MEF2A: variants seen among roughly 807,000 people sequenced by gnomAD.
MEF2A encodes the protein myocyte enhancer factor 2A.
In MEF2A, 28 loss-of-function variants were observed where a neutral mutation model predicts 55.8. The ratio of observed to expected loss-of-function variants is 0.50; its 90% CI spans 0.37 to 0.69. The LOEUF (loss-of-function observed/expected upper bound fraction) is 0.69, where lower values mean the gene tolerates loss of function less well. Among genes scored for constraint, MEF2A ranks in the 30% least tolerant of loss-of-function variants. The pLI is 0.00. For missense variants in MEF2A, 528 were observed against 626.2 expected (o/e 0.84, Z 1.67); for synonymous variants, 239 against 227.1 (o/e 1.05, Z -0.47).
chr15:99,613,638 C>T (rs2039679652), intron 2 of MEF2A, among the ~76,000 whole-genome samples: 1 of 152,024 alleles, frequency 6.6e-6, no homozygotes, highest in Non-Finnish European at 1.5e-5. Flanking sequence ...ACAGTATATC[C>T]CTGGAAGGCA....
intron 4 of MEF2A, among the ~76,000 whole-genome samples, chr15:99,657,965 A>T (rs768092126): frequency 6.6e-6 from 1 of 152,156 alleles, no homozygotes; most frequent in Non-Finnish European, 1.5e-5. Context: ...AAGCAAATTT[A>T]TATCCTTTTT....
chr15:99,670,065 T>C (rs1254846789), intron 4 of MEF2A, among the ~76,000 whole-genome samples: 7 of 152,154 alleles, frequency 4.6e-5, no homozygotes, highest in African/African-American at 1.2e-4. Context: ...GTAACTCTAC[T>C]TTAAAATACG....
chr15:99,636,906 A>G (rs2043965949), intron 3 of MEF2A, among the ~76,000 whole-genome samples: 1 of 151,828 alleles, frequency 6.6e-6, no homozygotes, highest in Non-Finnish European at 1.5e-5. Flanking sequence ...TTCCAGATGG[A>G]TATTTAGTTG....
chr15:99,675,490 GTATC>G (rs1567407176), intron 7 of MEF2A, 32 bp downstream of exon 7: 2 of 1,577,512 alleles, frequency 1.3e-6, no homozygotes, highest in African/African-American at 2.7e-5. Flanking sequence ...TGTTTTGTAG[GTATC>G]TATCCTATAT....
intron 4 of MEF2A, 61 bp from the exon 5 acceptor site, chr15:99,671,262 T>C (rs2050813252): frequency 6.4e-7 from 1 of 1,558,814 alleles, no homozygotes; most frequent in Non-Finnish European, 8.7e-7. Context: ...TAATAAATTT[T>C]ACAGAAAAAC....
chr15:99,672,872 A>G (rs1005528515), intron 5 of MEF2A, among the ~76,000 whole-genome samples: 1 of 152,192 alleles, frequency 6.6e-6, no homozygotes, highest in Non-Finnish European at 1.5e-5. Context: ...TGGAACCATC[A>G]GAAAGCAAAG....
chr15:99,622,619 G>A (rs959206794), intron 2 of MEF2A, among the ~76,000 whole-genome samples: 16 of 151,420 alleles, frequency 1.1e-4, no homozygotes, highest in African/African-American at 3.9e-4. Flanking sequence ...CCCTTTTAAA[G>A]TATATAGGTT....
chr15:99,645,269 A>T (rs1266659300), intron 3 of MEF2A, among the ~76,000 whole-genome samples: 2 of 152,162 alleles, frequency 1.3e-5, no homozygotes, highest in Non-Finnish European at 2.9e-5. Flanking sequence ...ATGATAAGGG[A>T]ACACTGATCA....
chr15:99,712,732 T>C lies in MEF2A; in HGVS notation c.1479T>C (p.Pro493=). ...CAAACACTGAGGACAGAGAAAGCCC[T>C]TCTGTAAAGCGAATGAGGATGGACG... ...RPPNTEDRES[P]SVKRMRMDAW... is the part of the protein sequence containing the mutation. The change falls in exon 12 of 12, where the codon CCT becomes CCC. Residue 493 remains proline (P), a synonymous_variant. Transcript: ENST00000557942. This position sits in a 1 kb window ranked among gnomAD's most constrained non-coding sequence, Gnocchi z 4.1. The C allele has an allele frequency of 6.4e-7, 1 of 1,563,956 alleles. No individual in the cohort carries two copies. Among genetic ancestry groups the C allele is most frequent in the South Asian group, 1.2e-5 (1 of 84,556 alleles).
chr15:99,700,730 T>G (rs1469803630), intron 8 of MEF2A, among the ~76,000 whole-genome samples: 1 of 152,130 alleles, frequency 6.6e-6, no homozygotes, highest in East Asian at 1.9e-4. Context: ...GGAAACGGGA[T>G]GAGCCGGGGT....
chr15:99,589,265 G>C (rs1425791480), intron 1 of MEF2A, among the ~76,000 whole-genome samples: 2 of 152,268 alleles, frequency 1.3e-5, no homozygotes, highest in East Asian at 1.9e-4. Flanking sequence ...TTTTCTTTCT[G>C]TGTCAGTTTT....
At chr15:99,626,137 T>C (rs1020239818) in intron 2 of MEF2A, among the ~76,000 whole-genome samples, 2 of 152,184 alleles carry the variant, frequency 1.3e-5, no homozygotes, top group East Asian at 3.8e-4. Flanking sequence ...TTACTAGTTA[T>C]TGCTCTATTC....
chr15:99,661,159 G>A (rs2048558160), intron 4 of MEF2A, among the ~76,000 whole-genome samples: 1 of 152,050 alleles, frequency 6.6e-6, no homozygotes, highest in African/African-American at 2.4e-5. Context: ...AGGGACAATT[G>A]GGTATCCATG....
intron 2 of MEF2A, among the ~76,000 whole-genome samples, chr15:99,607,605 A>T (rs1975618456): frequency 6.6e-6 from 1 of 152,292 alleles, no homozygotes; most frequent in South Asian, 2.1e-4. Flanking sequence ...ACATCCTGAG[A>T]AGTATTTGAG....
intron 2 of MEF2A, among the ~76,000 whole-genome samples, chr15:99,616,469 CAT>C (rs1206112838): frequency 6.6e-6 from 1 of 152,092 alleles, no homozygotes; most frequent in Admixed American, 6.5e-5. Context: ...AATGAGGTAA[CAT>C]ATTATAATGC....
intron 7 of MEF2A, among the ~76,000 whole-genome samples, chr15:99,680,778 A>G (rs562013749): frequency 2.4e-4 from 36 of 152,324 alleles, no homozygotes; most frequent in Non-Finnish European, 5.0e-4. Context: ...AATACTTAAG[A>G]TGGTGGGACT....
In MEF2A at chr15:99,690,362, G is replaced by A; in HGVS notation, c.792G>A (p.Met264Ile). 6.2e-7 allele frequency: 1 copy of A among 1,613,296 alleles called. No homozygotes were observed. Among genetic ancestry groups the A allele is most frequent in the Non-Finnish European group, 8.5e-7 (1 of 1,179,620 alleles). ...PPPPGGGNLG[M>I]NSRKPDLRVV... ...CACCAGGTGGTGGTAATCTTGGAAT[G>A]AACAGTAGGAAACCAGATCTTCGAG... Residue 264 changes from methionine (M) to isoleucine (I), a missense_variant, in exon 8 of 12, where the codon ATG becomes ATA. By Grantham distance (10) the Met-to-Ile change is conservative. Coordinates refer to ENST00000557942, the MANE Select transcript of MEF2A (RefSeq NM_001319206.4).
intron 3 of MEF2A, among the ~76,000 whole-genome samples, chr15:99,643,798 A>G (rs1567306309): frequency 6.6e-6 from 1 of 152,068 alleles, no homozygotes; most frequent in East Asian, 1.9e-4. Context: ...TCGTAGTGTT[A>G]GCCAAGATGG....
chr15:99,672,988 C>G (rs1157086758), intron 5 of MEF2A, among the ~76,000 whole-genome samples: 1 of 152,108 alleles, frequency 6.6e-6, no homozygotes, highest in Admixed American at 6.5e-5. Flanking sequence ...ATTTTATTAC[C>G]CTTTGTGGAT....
Sources: gnomAD v4.1 joint callset for allele counts (sites outside exome capture counted in the v4.1 genomes callset) on GRCh38, gnomAD v4.1.1 for gene constraint, Gnocchi (gnomAD v3.1) non-coding constraint, MANE v1.5 for transcripts, NCBI Gene and HGNC (gene_info 2026-07-23, HGNC 2026-07-21) for gene names.